Variants in RCL1 observed in about 807,000 individuals in gnomAD.
RCL1 encodes RNA terminal phosphate cyclase like 1.
Under a neutral mutation model 42.4 loss-of-function variants are expected in RCL1, and 24 were observed. That is an observed-to-expected ratio of 0.57 (90% CI 0.41 to 0.80). The LOEUF (loss-of-function observed/expected upper bound fraction) is 0.80. Ranked by LOEUF, RCL1 falls within the 30% of genes least tolerant of loss-of-function variation. RCL1 has a pLI of 0.00. For synonymous variants in RCL1, 228 were observed against 177.3 expected, an observed-to-expected ratio of 1.29 and a Z score of -2.27; for missense variants, 578 against 467.9, an observed-to-expected ratio of 1.24 and a Z score of -2.17.
At chr9:4,794,414 A>G (rs1842881003) in intron 1 of RCL1, among the ~76,000 whole-genome samples, 1 of 152,174 alleles carries the variant, frequency 6.6e-6, no homozygotes, top group Non-Finnish European at 1.5e-5. Flanking sequence ...TACTGCTCAA[A>G]AACACTGAGA....
intron 8 of RCL1, among the ~76,000 whole-genome samples, chr9:4,850,122 C>G (rs1384959560): frequency 2.0e-5 from 3 of 152,174 alleles, no homozygotes; most frequent in Non-Finnish European, 4.4e-5. Flanking sequence ...ATAAATGACA[C>G]TGTGAAAGAA....
chr9:4,826,966 C>T lies in RCL1; in HGVS notation c.317C>T (p.Ala106Val), dbSNP rs1268699249. ...GYYLESLLCL[A>V]PFMKHPLKIV... ...TACCTGGAGAGTCTTCTTTGCTTGG[C>T]TCCATTTATGAAGCACCCGTTAAAA... Residue 106 changes from alanine to valine, a missense_variant, in exon 3 of 9, where the codon GCT becomes GTT. Coordinates refer to ENST00000381750, the MANE Select transcript of RCL1 (RefSeq NM_005772.5). 8.1e-6 allele frequency: 13 copies of T among 1,614,036 alleles called. No individual in the cohort carries two copies. Among genetic ancestry groups the T allele is most frequent in the Non-Finnish European group, 1.1e-5 (13 of 1,180,042 alleles).
At chr9:4,841,533 A>G (rs1366272047) in intron 6 of RCL1, among the ~76,000 whole-genome samples, 176 bp downstream of exon 6, 1 of 152,226 alleles carries the variant, frequency 6.6e-6, no homozygotes, top group Non-Finnish European at 1.5e-5. Flanking sequence ...TGCCTGTCAC[A>G]TGGAAAGCAT....
chr9:4,819,544 C>T (rs1816511961), intron 1 of RCL1, among the ~76,000 whole-genome samples: 1 of 152,202 alleles, frequency 6.6e-6, no homozygotes, highest in Non-Finnish European at 1.5e-5. Context: ...AGAATTTGCT[C>T]ACGCCTGTAA....
At chr9:4,832,038 C>G (rs149774465) in intron 3 of RCL1, among the ~76,000 whole-genome samples, 1 of 152,128 alleles carries the variant, frequency 6.6e-6, no homozygotes, top group African/African-American at 2.4e-5. Context: ...AAGAAGGGAA[C>G]AAGTAATGGA....
chr9:4,800,517 G>T lies in RCL1; in HGVS notation c.136+7290G>T, dbSNP rs113694202. Among the ~76,000 whole-genome samples, 1,361 of 151,438 alleles carry T rather than the reference G, an allele frequency of 9.0e-3. 23 individuals are homozygous for T. Among genetic ancestry groups the T allele is most frequent in the African/African-American group, 0.031 (1,286 of 41,198 alleles). On this transcript the variant is annotated intron_variant, in intron 1 of 8. Coordinates refer to ENST00000381750, the MANE Select transcript of RCL1 (RefSeq NM_005772.5). ...GGTGTGCACCACCATGCCCAGCCAG[G>T]TTTTTTTATTTTTTTATGTGAACAT...
At position 4,834,213 on chromosome 9, in the gene RCL1, A is replaced by G. The variant is rs760192282; in HGVS notation, c.532A>G (p.Lys178Glu). The change falls in exon 5 of 9, where the codon AAG becomes GAG. Residue 178 changes from lysine (K) to glutamate (E), a missense_variant. Lys to Glu is a moderately conservative substitution (Grantham distance 56, BLOSUM62 1). Coordinates refer to ENST00000381750, the MANE Select transcript of RCL1 (RefSeq NM_005772.5). ...VFSCPVRKVL[K>E]PIQLTDPGKI... ...CTCATGTCCTGTGAGGAAGGTCTTG[A>G]AGCCCATTCAACTCACAGATCCAGG... The G allele has an allele frequency of 6.2e-7, 1 of 1,613,706 alleles. No homozygotes were observed. The highest frequency in any genetic ancestry group is 8.5e-7 in the Non-Finnish European group (1 of 1,179,756).
intron 7 of RCL1, among the ~76,000 whole-genome samples, chr9:4,846,888 A>ATTTTTCT (rs774986443): frequency 4.8e-3 from 92 of 18,998 alleles, no homozygotes; most frequent in Admixed American, 3.0e-3. Context: ...GTTCTTTAAT[A>ATTTTTCT]TTTTTCTTTT....
intron 1 of RCL1, among the ~76,000 whole-genome samples, chr9:4,820,261 A>G (rs1587707857): frequency 6.6e-6 from 1 of 152,182 alleles, no homozygotes; most frequent in African/African-American, 2.4e-5. Context: ...TGGGCAAGGA[A>G]TTCTACACAG....
chr9:4,834,353 G>C (rs965946353), intron 5 of RCL1, 88 bp downstream of exon 5: 1 of 1,436,864 alleles, frequency 7.0e-7, no homozygotes, highest in African/African-American at 1.4e-5. Flanking sequence ...ACTTCTTCCC[G>C]AGGTTATTTA....
chr9:4,828,909 A>G (rs191744549), intron 3 of RCL1, among the ~76,000 whole-genome samples: 157 of 152,366 alleles, frequency 1.0e-3, no homozygotes, highest in African/African-American at 3.7e-3. Flanking sequence ...ATCTGGCTCC[A>G]GGCCAGGGTA....
At chr9:4,840,407 C>A (rs1020364969) in intron 5 of RCL1, among the ~76,000 whole-genome samples, 2 of 152,130 alleles carry the variant, frequency 1.3e-5, no homozygotes, top group African/African-American at 4.8e-5. Flanking sequence ...TCAATACATA[C>A]TTACTTTTTC....
At chr9:4,834,471 CTTT>C (rs5896097) in intron 5 of RCL1, among the ~76,000 whole-genome samples, 56 of 128,380 alleles carry the variant, frequency 4.4e-4, no homozygotes, top group Non-Finnish European at 4.4e-4. Context: ...TTGAGTCATT[CTTT>C]TTTTTTTTTT....
At chr9:4,828,068 G>A (rs894540613) in intron 3 of RCL1, among the ~76,000 whole-genome samples, 26 of 151,196 alleles carry the variant, frequency 1.7e-4, no homozygotes, top group African/African-American at 5.8e-4. Flanking sequence ...CGCCTGTAGT[G>A]CCAGCTACTC....
rs762691300 is a variant in RCL1, at chr9:4,841,179, T to A, written c.585-53T>A. 6 of 1,608,572 alleles carry A rather than the reference T, an allele frequency of 3.7e-6. No individual in the cohort carries two copies. In the South Asian group the frequency reaches 6.6e-5, roughly 18 times the overall value. Reference sequence around the variant, plus strand: ...AATACTTGCCAGCTTTATAACTGATTTTTCTCTGTCCTGGAATTCAAGCAG... The same window carrying A: ...AATACTTGCCAGCTTTATAACTGATATTTCTCTGTCCTGGAATTCAAGCAG... On this transcript the variant is annotated intron_variant, in intron 5 of 8. Coordinates refer to ENST00000381750, the MANE Select transcript of RCL1 (RefSeq NM_005772.5).
At chr9:4,801,762 C>T (rs1218434207) in intron 1 of RCL1, among the ~76,000 whole-genome samples, 2 of 147,914 alleles carry the variant, frequency 1.4e-5, no homozygotes, top group African/African-American at 5.0e-5. Context: ...ATTGCCCAAG[C>T]ATCATTTGTT....
intron 1 of RCL1, among the ~76,000 whole-genome samples, chr9:4,814,466 C>G (rs956621351): frequency 1.3e-5 from 2 of 152,108 alleles, no homozygotes; most frequent in Admixed American, 6.6e-5. Flanking sequence ...GGCGGTCTCG[C>G]TTTGTTGCCC....
intron 5 of RCL1, among the ~76,000 whole-genome samples, chr9:4,837,588 A>G (rs1213336526): frequency 6.6e-6 from 1 of 152,230 alleles, no homozygotes; most frequent in East Asian, 1.9e-4. Context: ...TTGTCATAAC[A>G]ACATGGGTTT....
intron 1 of RCL1, among the ~76,000 whole-genome samples, chr9:4,811,381 C>G (rs1256418123): frequency 6.6e-6 from 1 of 152,046 alleles, no homozygotes; most frequent in African/African-American, 2.4e-5. Context: ...TCTTATCTAC[C>G]TGTACTTTTA....
Sources: allele counts gnomAD v4.1 joint callset (sites outside exome capture counted in the v4.1 genomes callset), GRCh38; gene constraint gnomAD v4.1.1; transcripts MANE v1.5; gene names NCBI Gene and HGNC (gene_info 2026-07-23, HGNC 2026-07-21).